SUPT3H: variants seen among roughly 807,000 people sequenced by gnomAD.
The protein encoded by SUPT3H is SPT3 homolog, SAGA and STAGA complex component.
Under a neutral mutation model 44.3 loss-of-function variants are expected in SUPT3H, and 44 were observed. That is an observed-to-expected ratio of 0.99 (90% CI 0.78 to 1.28). The LOEUF (loss-of-function observed/expected upper bound fraction) is 1.28. SUPT3H is among the 50% of genes most tolerant of loss of function. The probability of loss-of-function intolerance (pLI) is 0.00; values close to 1 mark genes in which losing one functional copy is unlikely to be tolerated. For missense variants in SUPT3H, 380 were observed against 387.1 expected (o/e 0.98, Z 0.15); for synonymous variants, 124 against 125.6 (o/e 0.99, Z 0.09).
chr6:44,932,711 T>C lies in SUPT3H; in HGVS notation c.854A>G (p.His285Arg). The C allele has an allele frequency of 6.2e-7, 1 of 1,611,738 alleles. No homozygotes were observed. Among genetic ancestry groups the C allele is most frequent in the Non-Finnish European group, 8.5e-7 (1 of 1,179,038 alleles). Reference sequence around the variant, plus strand: ...GTAGCGTCGAATGGCCTCTCTGATGTGGCAGGGCTGGATGGCATCGCTGTG... The same window carrying C: ...GTAGCGTCGAATGGCCTCTCTGATGCGGCAGGGCTGGATGGCATCGCTGTG... The part of the protein sequence containing the change: ...EAHSDAIQPC[H>R]IREAIRRYSH... The change falls in exon 10 of 11, where the codon CAC becomes CGC. Residue 285 changes from histidine (H) to arginine (R), a missense_variant. By Grantham distance (29) the His-to-Arg change is conservative (BLOSUM62 0). Coordinates refer to ENST00000371459, the MANE Select transcript of SUPT3H (RefSeq NM_003599.4).
At chr6:45,313,655 A>AT (rs1181488231) in intron 2 of SUPT3H, among the ~76,000 whole-genome samples, 1 of 25,238 alleles carries the variant, frequency 4.0e-5, no homozygotes, top group East Asian at 1.3e-3. Flanking sequence ...TTTAAAAATT[A>AT]TAAAAAAAAA....
chr6:45,282,478 G>A (rs1019839732), intron 2 of SUPT3H, among the ~76,000 whole-genome samples: 1 of 152,142 alleles, frequency 6.6e-6, no homozygotes, highest in Admixed American at 6.5e-5. Flanking sequence ...CTGGAAGAAA[G>A]GGTATCAGTG....
At chr6:45,372,182 C>T (rs374887708) in intron 1 of SUPT3H, 3 of 227,508 alleles carry the variant, frequency 1.3e-5, no homozygotes, top group Admixed American at 6.5e-5. Context: ...AACACTTACA[C>T]ATGACCTTGG....
At chr6:45,321,728 C>T in intron 2 of SUPT3H, 1 of 1,089,732 alleles carries the variant, frequency 9.2e-7, no homozygotes, top group Non-Finnish European at 1.4e-6. Flanking sequence ...GTATCTAATA[C>T]ATTCTCTCTT....
At chr6:44,888,574 G>A (rs535564012) in intron 10 of SUPT3H, among the ~76,000 whole-genome samples, 1 of 152,140 alleles carries the variant, frequency 6.6e-6, no homozygotes, top group Non-Finnish European at 1.5e-5. Context: ...AACCCTTCAT[G>A]CTAAAAACTC....
intron 2 of SUPT3H, among the ~76,000 whole-genome samples, chr6:45,140,682 G>A (rs982728534): frequency 1.3e-5 from 2 of 151,954 alleles, no homozygotes; most frequent in Admixed American, 1.3e-4. Context: ...ACAGCAGGTT[G>A]CTGGTACCCA....
chr6:44,965,593 TA>T (rs36024684), intron 6 of SUPT3H, among the ~76,000 whole-genome samples: 50,929 of 150,022 alleles, frequency 0.34, 9,506 homozygotes, highest in Admixed American at 0.42. Context: ...CTGAATTGTT[TA>T]AAAAAAAAAT....
intron 10 of SUPT3H, among the ~76,000 whole-genome samples, chr6:44,863,326 C>T (rs1410461893): frequency 6.6e-6 from 1 of 152,050 alleles, no homozygotes; most frequent in African/African-American, 2.4e-5. Flanking sequence ...GTGACACATG[C>T]TATGGGATGA....
Position 45,090,671 on chromosome 6 carries a change from G to T in SUPT3H, c.186+15251C>A, listed in dbSNP as rs1039426618. Among the ~76,000 whole-genome samples, 20 of 151,822 alleles carry T rather than the reference G, an allele frequency of 1.3e-4. 1 individual carries two copies. Among genetic ancestry groups the T allele is most frequent in the South Asian group, 6.2e-4 (3 of 4,814 alleles). ...ACTCATTGAAACCGTATTCTTATCA[G>T]TGAAATCAAATGCTTGCATATTTAG... On this transcript the variant is annotated intron_variant, in intron 3 of 10. Coordinates refer to ENST00000371459, the MANE Select transcript of SUPT3H (RefSeq NM_003599.4).
chr6:45,019,361 T>C (rs1179758750), intron 4 of SUPT3H, among the ~76,000 whole-genome samples: 1 of 152,090 alleles, frequency 6.6e-6, no homozygotes, highest in Non-Finnish European at 1.5e-5. Context: ...AGTTCTGCTC[T>C]GATTTTAGTT....
At chr6:45,219,218 C>T (rs1428438903) in intron 2 of SUPT3H, among the ~76,000 whole-genome samples, 1 of 151,806 alleles carries the variant, frequency 6.6e-6, no homozygotes, top group African/African-American at 2.4e-5. Context: ...TAAACCTAAG[C>T]AGGTAGATGG....
intron 2 of SUPT3H, among the ~76,000 whole-genome samples, chr6:45,180,272 C>A (rs1175409524): frequency 4.8e-5 from 7 of 145,060 alleles, no homozygotes; most frequent in Non-Finnish European, 1.1e-4. Flanking sequence ...GAATCAATAT[C>A]GTGAAAATGG....
chr6:44,892,454 C>G (rs1195397124), intron 10 of SUPT3H, among the ~76,000 whole-genome samples: 1 of 152,088 alleles, frequency 6.6e-6, no homozygotes, highest in Non-Finnish European at 1.5e-5. Flanking sequence ...TTTTCAGCCT[C>G]TAGAACTGAG....
intron 10 of SUPT3H, among the ~76,000 whole-genome samples, chr6:44,928,901 AAAAGAAAAG>A (rs1770046087): frequency 1.2e-5 from 1 of 84,158 alleles, no homozygotes; most frequent in Non-Finnish European, 2.1e-5. Context: ...AAAAAAAAAA[AAAAGAAAAG>A]AAAAGAAACA....
rs77591943 is a variant in SUPT3H, at chr6:45,026,775, T to C, written c.187-6143A>G. On this transcript the variant is annotated intron_variant, in intron 3 of 10. Coordinates refer to ENST00000371459, the MANE Select transcript of SUPT3H (RefSeq NM_003599.4). ...GACTTATTATGAGAGGTGAAAAAGA[T>C]TTAGTGTTCTTAGACACCCCAAATT... Among the ~76,000 whole-genome samples the C allele has an allele frequency of 8.6e-3, 1,306 of 152,210 alleles. 23 individuals carry two copies. The highest frequency in any genetic ancestry group is 0.03 in the African/African-American group (1,230 of 41,552).
intron 2 of SUPT3H, among the ~76,000 whole-genome samples, chr6:45,208,795 C>T (rs1222893463): frequency 6.6e-6 from 1 of 151,694 alleles, no homozygotes; most frequent in African/African-American, 2.4e-5. Context: ...AAGATGCCAT[C>T]TAAAACTCCC....
chr6:45,141,728 G>A (rs1805250728), intron 2 of SUPT3H, among the ~76,000 whole-genome samples: 1 of 152,148 alleles, frequency 6.6e-6, no homozygotes, highest in South Asian at 2.1e-4. Flanking sequence ...GATTAAAACA[G>A]TAATAAAAAA....
chr6:44,884,287 A>G (rs1476501483), intron 10 of SUPT3H, among the ~76,000 whole-genome samples: 1 of 152,200 alleles, frequency 6.6e-6, no homozygotes, highest in Non-Finnish European at 1.5e-5. Flanking sequence ...GAGAAATGCA[A>G]ATCAAACCAT....
intron 10 of SUPT3H, among the ~76,000 whole-genome samples, chr6:44,882,784 C>T (rs1190542374): frequency 2.0e-5 from 3 of 152,144 alleles, no homozygotes; most frequent in Non-Finnish European, 4.4e-5. Flanking sequence ...ATGACAAAAA[C>T]CAAATGATCA....
Sources: gnomAD v4.1 joint callset for allele counts (sites outside exome capture counted in the v4.1 genomes callset) on GRCh38, gnomAD v4.1.1 for gene constraint, MANE v1.5 for transcripts, NCBI Gene and HGNC (gene_info 2026-07-23, HGNC 2026-07-21) for gene names.